Variants in B3GNT5 observed in about 807,000 individuals in gnomAD.
B3GNT5 encodes the protein lactosylceramide 1,3-N-acetyl-beta-D-glucosaminyltransferase.
In B3GNT5, 11 loss-of-function variants were observed where a neutral mutation model predicts 25.9. That is an observed-to-expected ratio of 0.42 (90% CI 0.27 to 0.70). B3GNT5 has a LOEUF of 0.70. B3GNT5 is among the 30% of genes least tolerant of loss of function. The pLI is 0.23. For missense variants in B3GNT5, 385 were observed against 458.4 expected (o/e 0.84, Z 1.46); for synonymous variants, 166 against 158.6 (o/e 1.05, Z -0.35).
chr3:183,268,169 G>A (rs995114763), intron 1 of B3GNT5, among the ~76,000 whole-genome samples: 1 of 152,236 alleles, frequency 6.6e-6, no homozygotes, highest in Non-Finnish European at 1.5e-5. Context: ...CAGGGCATAT[G>A]AAATGGCAAG....
At position 183,272,874 on chromosome 3, in the gene B3GNT5, C is replaced by T; in HGVS notation, c.*1939C>T. ...GCCATCAAAGTGATCTTGTTTACAG[C>T]AGTGCTTTTGTGAAACAATTATTTA... On this transcript the variant is annotated 3_prime_UTR_variant, in exon 2 of 2. Transcript: ENST00000326505. The T allele has an allele frequency of 1.5e-6, 2 of 1,294,820 alleles. No homozygotes were observed. The highest frequency in any genetic ancestry group is 2.0e-6 in the Non-Finnish European group (2 of 1,012,410). 80.2% of individuals were successfully genotyped at this position (1,294,820 alleles called of 1,614,324 possible).
At chr3:183,261,941 G>C (rs1400343436) in intron 1 of B3GNT5, among the ~76,000 whole-genome samples, 1 of 144,172 alleles carries the variant, frequency 6.9e-6, no homozygotes, top group African/African-American at 2.6e-5. Flanking sequence ...ACCGTTTTAG[G>C]AGGTTTTCAT....
At chr3:183,262,290 C>T (rs1725682285) in intron 1 of B3GNT5, among the ~76,000 whole-genome samples, 1 of 151,686 alleles carries the variant, frequency 6.6e-6, no homozygotes. Context: ...ACTAAGAATG[C>T]AGACATGTCC....
intron 1 of B3GNT5, among the ~76,000 whole-genome samples, chr3:183,265,058 C>T (rs1186989632): frequency 1.3e-5 from 2 of 152,208 alleles, no homozygotes; most frequent in African/African-American, 4.8e-5. Context: ...TCTTTGTCCT[C>T]TTCTCTCCCA....
Sources: allele counts gnomAD v4.1 joint callset (sites outside exome capture counted in the v4.1 genomes callset), GRCh38; gene constraint gnomAD v4.1.1; transcripts MANE v1.5; gene names NCBI Gene and HGNC (gene_info 2026-07-23, HGNC 2026-07-21).